MIPOL1: variants seen among roughly 807,000 people sequenced by gnomAD.
The protein encoded by MIPOL1 is mirror-image polydactyly 1, also known as mirror-image polydactyly gene 1 protein.
Under a neutral mutation model 60.9 loss-of-function variants are expected in MIPOL1, and 57 were observed. That is an observed-to-expected ratio of 0.94 (90% confidence interval 0.76 to 1.17). MIPOL1 has a LOEUF of 1.17. Among genes scored for constraint, MIPOL1 ranks in the 50% most tolerant of loss-of-function variants. MIPOL1 has a pLI of 0.00. For missense variants in MIPOL1, 551 were observed against 511.6 expected (o/e 1.08, Z -0.74); for synonymous variants, 179 against 168.8 (o/e 1.06, Z -0.47).
chr14:37,424,066 G>A (rs1054422353), intron 11 of MIPOL1, among the ~76,000 whole-genome samples: 3 of 152,134 alleles, frequency 2.0e-5, no homozygotes, highest in Non-Finnish European at 2.9e-5. Flanking sequence ...AGGAAATACT[G>A]TAGTTCCATA....
chr14:37,254,045 G>A (rs954025429), intron 3 of MIPOL1, among the ~76,000 whole-genome samples: 6 of 151,878 alleles, frequency 4.0e-5, no homozygotes, highest in African/African-American at 1.4e-4. Flanking sequence ...TAGAGTGCTA[G>A]TAGCTTCTCA....
intron 11 of MIPOL1, among the ~76,000 whole-genome samples, chr14:37,448,990 T>G (rs2094379468): frequency 6.6e-6 from 1 of 152,222 alleles, no homozygotes; most frequent in Non-Finnish European, 1.5e-5. Context: ...CAAACATTTC[T>G]AACTCATTTT....
In MIPOL1 at chr14:37,548,386, A is replaced by C. The variant is rs1196762992; in HGVS notation, c.*1415A>C. ...TAACAAACTCTATTTCTTCCTTATT[A>C]AATCTGTATCCATTAAAGTAACTTT... On this transcript the variant is annotated 3_prime_UTR_variant, in exon 13 of 13. Coordinates refer to ENST00000684589, the MANE Select transcript of MIPOL1 (RefSeq NM_001388067.1). 2 of 152,042 alleles carry C rather than the reference A, an allele frequency of 1.3e-5. No homozygotes were observed. Among genetic ancestry groups the C allele is most frequent in the Non-Finnish European group, 2.9e-5 (2 of 67,896 alleles). The allele number at this position is 152,042 out of a possible 1,614,324, so 9.4% of individuals were successfully genotyped here. A position where few individuals can be genotyped will look rare whatever the true frequency, so the allele number is the denominator to read the frequency against.
chr14:37,442,694 T>C (rs767203741), intron 11 of MIPOL1, among the ~76,000 whole-genome samples: 1 of 151,368 alleles, frequency 6.6e-6, no homozygotes, highest in Non-Finnish European at 1.5e-5. Flanking sequence ...AAATTGTTAC[T>C]GAAGGTACCA....
intron 6 of MIPOL1, among the ~76,000 whole-genome samples, chr14:37,276,075 C>G (rs2083635998): frequency 6.6e-6 from 1 of 151,030 alleles, no homozygotes; most frequent in Non-Finnish European, 1.5e-5. Flanking sequence ...CTCCTTAGTT[C>G]CTAAGTCTTG....
intron 11 of MIPOL1, among the ~76,000 whole-genome samples, chr14:37,460,089 A>AAATAATAAT (rs139000493): frequency 0.029 from 4,370 of 148,924 alleles, 167 homozygotes; most frequent in African/African-American, 0.069. Context: ...AATAATAGTA[A>AAATAATAAT]AATAATAATA....
chr14:37,270,017 C>A (rs527588565), intron 5 of MIPOL1, among the ~76,000 whole-genome samples: 1 of 151,870 alleles, frequency 6.6e-6, no homozygotes, highest in African/African-American at 2.4e-5. Context: ...TTAGTAGAGA[C>A]GGGGTTTCAT....
At chr14:37,231,556 C>A (rs1970631666) in intron 1 of MIPOL1, among the ~76,000 whole-genome samples, 2 of 152,078 alleles carry the variant, frequency 1.3e-5, no homozygotes, top group African/African-American at 4.8e-5. Flanking sequence ...TCTGCATTTA[C>A]CAGTTGATTT....
chr14:37,316,018 T>G (rs2153440861), intron 9 of MIPOL1, among the ~76,000 whole-genome samples: 1 of 105,350 alleles, frequency 9.5e-6, no homozygotes, highest in Admixed American at 1.3e-4. Flanking sequence ...TTCTGTTTAT[T>G]TATTTATTTA....
intron 9 of MIPOL1, among the ~76,000 whole-genome samples, chr14:37,339,337 C>T (rs561298047): frequency 9.2e-5 from 14 of 152,330 alleles, no homozygotes; most frequent in African/African-American, 3.4e-4. Context: ...GCAACTGAAA[C>T]TCATCCATTG....
chr14:37,224,306 C>G (rs1021659320), intron 1 of MIPOL1, among the ~76,000 whole-genome samples: 3 of 151,990 alleles, frequency 2.0e-5, no homozygotes, highest in Non-Finnish European at 2.9e-5. Flanking sequence ...ATAGCAAGAC[C>G]CCATCTTTAC....
At chr14:37,239,153 C>T (rs1218792770) in intron 1 of MIPOL1, among the ~76,000 whole-genome samples, 1 of 149,438 alleles carries the variant, frequency 6.7e-6, no homozygotes, top group Non-Finnish European at 1.5e-5. Flanking sequence ...TCACACCTTT[C>T]TCCTGCCTCA....
chr14:37,525,844 A>G (rs1336598332), intron 12 of MIPOL1, among the ~76,000 whole-genome samples: 1 of 152,206 alleles, frequency 6.6e-6, no homozygotes, highest in Non-Finnish European at 1.5e-5. Context: ...GAAAAGTTGG[A>G]CCTGATAAAT....
chr14:37,480,930 G>A (rs982717226), intron 11 of MIPOL1, among the ~76,000 whole-genome samples: 1 of 152,124 alleles, frequency 6.6e-6, no homozygotes, highest in Admixed American at 6.5e-5. Flanking sequence ...CATGAAGCCA[G>A]GAGTTCAAGA....
rs552717627 is a variant in MIPOL1 at position 37,246,828 on chromosome 14, A to T, written c.-198-275A>T. Among the ~76,000 whole-genome samples the T allele has an allele frequency of 5.9e-5, 9 of 152,190 alleles. No individual in the cohort carries two copies. The East Asian group carries it at 1.7e-3, about 29-fold the overall frequency. ...TACATTTTACTAATTGCTGGCATTC[A>T]TTAGCTGGGTAAATGATGAGGAAGA... On this transcript the variant is annotated intron_variant, in intron 1 of 12. Transcript: ENST00000684589.
chr14:37,413,793 G>A (rs1454235854), intron 10 of MIPOL1, among the ~76,000 whole-genome samples: 1 of 152,136 alleles, frequency 6.6e-6, no homozygotes, highest in Non-Finnish European at 1.5e-5. Context: ...CAGTTCCTAA[G>A]ACACCTTAGT....
At chr14:37,452,603 C>T (rs2094435492) in intron 11 of MIPOL1, among the ~76,000 whole-genome samples, 1 of 152,168 alleles carries the variant, frequency 6.6e-6, no homozygotes, top group African/African-American at 2.4e-5. Flanking sequence ...AAAACCAGTA[C>T]ATCAGGTTTA....
intron 12 of MIPOL1, among the ~76,000 whole-genome samples, chr14:37,520,926 CTTTTTTTTTTTTTT>C (rs11299536): frequency 1.0e-4 from 5 of 47,724 alleles, no homozygotes; most frequent in African/African-American, 4.1e-4. Context: ...TAACATTTTA[CTTTTTTTTTTTTTT>C]TTTTTTTTTT....
intron 11 of MIPOL1, among the ~76,000 whole-genome samples, chr14:37,431,640 G>A (rs1356301565): frequency 2.2e-5 from 3 of 133,788 alleles, no homozygotes; most frequent in African/African-American, 8.3e-5. Flanking sequence ...GTGCAGTGGC[G>A]CGATCTCAGC....
Sources: gnomAD v4.1 joint callset for allele counts (sites outside exome capture counted in the v4.1 genomes callset) on GRCh38, gnomAD v4.1.1 for gene constraint, MANE v1.5 for transcripts, NCBI Gene and HGNC (gene_info 2026-07-23, HGNC 2026-07-21) for gene names.